The following C4orf50 variants were observed in gnomAD, a reference collection of about 807,000 sequenced individuals.
The protein encoded by C4orf50 is chromosome 4 open reading frame 50.
A neutral mutation model predicts 77.2 loss-of-function variants in C4orf50; 80 were observed. The ratio of observed to expected loss-of-function variants is 1.04; its 90% CI spans 0.87 to 1.25. The LOEUF is 1.25. Ranked by LOEUF, C4orf50 falls within the 50% of genes most tolerant of loss-of-function variation. C4orf50 has a pLI of 0.00. For synonymous variants in C4orf50, 532 were observed against 465.3 expected (o/e 1.14, Z -1.84); for missense variants, 1,257 against 1,152.9 (o/e 1.09, Z -1.31).
intron 25 of C4orf50, among the ~76,000 whole-genome samples, chr4:5,995,190 AC>A (rs1721511574): frequency 6.6e-6 from 1 of 151,838 alleles, no homozygotes; most frequent in African/African-American, 2.4e-5. Flanking sequence ...GCAGTGAGTC[AC>A]CCCGAACACA....
chr4:5,940,101 A>G (rs1287327970), intron 7 of C4orf50, among the ~76,000 whole-genome samples: 11 of 152,184 alleles, frequency 7.2e-5, no homozygotes, highest in Admixed American at 6.5e-4. Context: ...CTAATTAAAT[A>G]TGTATATTTG....
chr4:5,919,274 C>T lies in C4orf50; in HGVS notation c.*2475-21086G>A, dbSNP rs915946010. 2.6e-5 allele frequency among the ~76,000 whole-genome samples: 4 copies of T among 152,296 alleles called. No individual in the cohort carries two copies. The highest frequency in any genetic ancestry group is 2.0e-4 in the Admixed American group (3 of 15,298). ...AGCCCCAGGCTTGAGGGTTGGCAGA[C>T]CCAATGCCCGATTTCCATGGCTACC... On this transcript the variant is annotated intron_variant, in intron 7 of 7. Coordinates refer to the C4orf50 transcript ENST00000324058. This position sits in a 1 kb window ranked among gnomAD's most constrained non-coding sequence, Gnocchi z 6.5.
chr4:5,985,185 G>T (rs957654994), intron 28 of C4orf50, among the ~76,000 whole-genome samples: 4 of 151,996 alleles, frequency 2.6e-5, no homozygotes, highest in Admixed American at 1.3e-4. Context: ...TTCATAAAAA[G>T]AAATATGAGA....
At chr4:5,936,562 CA>C (rs374200584) in intron 7 of C4orf50, among the ~76,000 whole-genome samples, 60 of 75,394 alleles carry the variant, frequency 8.0e-4, no homozygotes, top group East Asian at 4.1e-3. Flanking sequence ...GACGCCATCT[CA>C]AAAAAAAAAA....
chr4:5,994,219 C>G (rs546528536), intron 26 of C4orf50, 128 bp downstream of exon 4: 6 of 396,044 alleles, frequency 1.5e-5, no homozygotes, highest in Non-Finnish European at 2.7e-5. Flanking sequence ...AGCCTCGATT[C>G]TTGTCTGTAG....
At chr4:5,989,942 C>T in exon 28 of C4orf50, 1 of 1,421,596 alleles carries the variant, frequency 7.0e-7, no homozygotes, top group South Asian at 1.6e-5. Flanking sequence ...TCCTCCTTGC[C>T]CCTAGCTGTC....
chr4:5,901,222 C>A lies in C4orf50; in HGVS notation c.*2475-3034G>T, dbSNP rs535572243. The A allele has an allele frequency of 1.3e-5, 2 of 152,350 alleles. No homozygotes were observed. The highest frequency in any genetic ancestry group is 2.9e-5 in the Non-Finnish European group (2 of 68,038). 9.4% of individuals were successfully genotyped at this position (152,350 alleles called of 1,614,324 possible). A position where few individuals can be genotyped will look rare whatever the true frequency, so the allele number is the denominator to read the frequency against. On this transcript the variant is annotated intron_variant, in intron 7 of 7. Transcript: ENST00000324058. The surrounding 1 kb of genome is among the most constrained non-coding windows in gnomAD (Gnocchi z 4.4). Reference sequence around the variant, plus strand: ...TTGTCATATGACAGATCACCTTGTTCATAATGGCACACAGTAGGTGTATAA... The same window carrying A: ...TTGTCATATGACAGATCACCTTGTTAATAATGGCACACAGTAGGTGTATAA...
intron 7 of C4orf50, among the ~76,000 whole-genome samples, chr4:5,925,344 C>T (rs9999689): frequency 0.86 from 130,952 of 152,132 alleles, 56,433 homozygotes; most frequent in Middle Eastern, 0.91. Context: ...CAACTCTCTT[C>T]GCAAAGGACC....
intron 7 of C4orf50, among the ~76,000 whole-genome samples, chr4:5,923,898 G>A (rs1041970370): frequency 6.6e-6 from 1 of 152,206 alleles, no homozygotes; most frequent in Non-Finnish European, 1.5e-5. Context: ...CATCTGATCA[G>A]CTGCCAGCGT....
chr4:5,999,532 C>A (rs190042846), intron 25 of C4orf50, among the ~76,000 whole-genome samples: 1 of 152,358 alleles, frequency 6.6e-6, no homozygotes, highest in Non-Finnish European at 1.5e-5. Flanking sequence ...CCCAGCATTG[C>A]CACTGTGAAG....
chr4:5,914,526 T>G (rs1365632653), intron 7 of C4orf50, among the ~76,000 whole-genome samples: 2 of 152,184 alleles, frequency 1.3e-5, no homozygotes, highest in African/African-American at 4.8e-5. Context: ...TAATGTTTTC[T>G]TAACTGCTTT....
chr4:5,988,596 T>C, exon 28 of C4orf50: 1 of 1,536,288 alleles, frequency 6.5e-7, no homozygotes, highest in East Asian at 2.4e-5. Context: ...CCTCCAAGGG[T>C]GGCCCACAGG....
intron 7 of C4orf50, among the ~76,000 whole-genome samples, chr4:5,930,468 C>T (rs1413657068): frequency 6.6e-6 from 1 of 152,202 alleles, no homozygotes; most frequent in Admixed American, 6.5e-5. Context: ...TTCTTATGTT[C>T]AGCTGACCAC....
chr4:5,959,527 C>A lies in C4orf50; in HGVS notation c.4375G>T (p.Gly1459Ter). Reference sequence around the variant, plus strand: ...ACTTGGAGGGCAGGACAGGGCATTCCGCCTTTTTCTTGCAGACGTTGTGCG... The same window carrying A: ...ACTTGGAGGGCAGGACAGGGCATTCAGCCTTTTTCTTGCAGACGTTGTGCG... Residue 1459 changes from glycine to a stop codon, truncating the protein, a stop_gained, in exon 34 of 34, where the codon GGA becomes TGA. Coordinates refer to ENST00000531445, the Ensembl canonical transcript of C4orf50. LOFTEE classifies it low-confidence loss of function (END_TRUNC). 3.1e-6 allele frequency: 5 copies of A among 1,614,142 alleles called. No individual in the cohort carries two copies. The highest frequency in any genetic ancestry group is 4.2e-6 in the Non-Finnish European group (5 of 1,180,036).
At chr4:6,016,826 A>G (rs1356857930) in intron 23 of C4orf50, among the ~76,000 whole-genome samples, 1 of 152,262 alleles carries the variant, frequency 6.6e-6, no homozygotes, top group African/African-American at 2.4e-5. Context: ...GAAGAAAAGT[A>G]AATCACATGT....
intron 25 of C4orf50, among the ~76,000 whole-genome samples, chr4:5,997,444 C>T (rs73196051): frequency 0.065 from 9,887 of 152,226 alleles, 343 homozygotes; most frequent in African/African-American, 0.077. Context: ...ATGTCACAAC[C>T]GATGAAGGCA....
chr4:5,931,705 C>G (rs1033298775), intron 7 of C4orf50, among the ~76,000 whole-genome samples: 1 of 152,094 alleles, frequency 6.6e-6, no homozygotes, highest in Admixed American at 6.5e-5. Flanking sequence ...CAGGGGGATC[C>G]CTCTCGTTCA....
In C4orf50 at chr4:5,967,509, G is replaced by T. The variant is rs535482392; in HGVS notation, c.4105-47C>A. On this transcript the variant is annotated intron_variant, in intron 31 of 33. Coordinates refer to ENST00000531445, the Ensembl canonical transcript of C4orf50. ...CGGTTATTCTGCATGGCACTGGAGAGACAGCCTTGCACAGAAGACTGCAAT... is the reference window on the plus strand; with the variant it reads ...CGGTTATTCTGCATGGCACTGGAGATACAGCCTTGCACAGAAGACTGCAAT... 46 of 1,549,320 alleles carry T rather than the reference G, an allele frequency of 3.0e-5. No individual in the cohort carries two copies. The African/African-American group carries it at 5.2e-4, about 17-fold the overall frequency.
At chr4:5,959,664 A>C in intron 33 of C4orf50, 38 bp from the exon 12 acceptor site, 1 of 1,578,620 alleles carries the variant, frequency 6.3e-7, no homozygotes, top group Non-Finnish European at 8.6e-7. Flanking sequence ...CTCTGCGTCC[A>C]CATGTTTGTA....
Sources: allele counts gnomAD v4.1 joint callset (sites outside exome capture counted in the v4.1 genomes callset), GRCh38; gene constraint gnomAD v4.1.1; non-coding constraint Gnocchi (gnomAD v3.1); transcripts MANE v1.5; gene names NCBI Gene and HGNC (gene_info 2026-07-23, HGNC 2026-07-21).